Variants in IKBKB observed in about 807,000 individuals in gnomAD.
The protein encoded by IKBKB is inhibitor of nuclear factor kappa B kinase subunit beta, also known as inhibitor of nuclear factor kappa-B kinase subunit beta.
In IKBKB, 42 loss-of-function variants were observed where a neutral mutation model predicts 113.6. The ratio of observed to expected loss-of-function variants is 0.37; its 90% CI spans 0.29 to 0.48. The LOEUF is 0.48. IKBKB is among the 20% of genes least tolerant of loss of function. The pLI is 0.99. For missense variants in IKBKB, 673 were observed against 939.7 expected, an observed-to-expected ratio of 0.72 and a Z score of 3.71; for synonymous variants, 296 against 361.3, an observed-to-expected ratio of 0.82 and a Z score of 2.05.
intron 2 of IKBKB, among the ~76,000 whole-genome samples, chr8:42,288,052 G>A (rs1166952179): frequency 6.6e-6 from 1 of 152,132 alleles, no homozygotes; most frequent in East Asian, 1.9e-4. Context: ...TGGGAATGGA[G>A]CAGGGCCTTG....
chr8:42,330,536 A>G (rs185977470), intron 21 of IKBKB, among the ~76,000 whole-genome samples: 40 of 152,044 alleles, frequency 2.6e-4, no homozygotes, highest in African/African-American at 8.7e-4. Flanking sequence ...TTTGAGATGG[A>G]GTCTTGCTCT....
chr8:42,303,658 C>CCA (rs1212508275), intron 5 of IKBKB, among the ~76,000 whole-genome samples: 1 of 152,136 alleles, frequency 6.6e-6, no homozygotes, highest in African/African-American at 2.4e-5. Flanking sequence ...GGGCATGCCA[C>CCA]CACACCCAGC....
rs771171416 is a variant in IKBKB, at chr8:42,291,379, G to A, written c.318+1106G>A. Among the ~76,000 whole-genome samples, 15 of 152,100 alleles carry A rather than the reference G, an allele frequency of 9.9e-5. 1 individual carries two copies. Among genetic ancestry groups the A allele is most frequent in the Non-Finnish European group, 1.5e-4 (10 of 68,024 alleles). On this transcript the variant is annotated intron_variant, in intron 4 of 21. Transcript: ENST00000520810. ...GTATTTTTAGTAGAGGCAGGGTTTC[G>A]CCACATCAGCCAGGCTGGTCTCCAA...
At position 42,275,874 on chromosome 8, in the gene IKBKB, C is replaced by T. The variant is rs150209006; in HGVS notation, c.105+3669C>T. 3.7e-3 allele frequency among the ~76,000 whole-genome samples: 567 copies of T among 151,988 alleles called. 6 individuals carry two copies. The highest frequency in any genetic ancestry group is 0.013 in the African/African-American group (526 of 41,460). On this transcript the variant is annotated intron_variant, in intron 2 of 21. Coordinates refer to ENST00000520810, the MANE Select transcript of IKBKB (RefSeq NM_001556.3). ...CTTTTTTTTTTGAGACGGAGTCTTG[C>T]TCTGTCAACCAGGCTGGAGTGCAGT...
At chr8:42,286,476 G>T (rs1470366438) in intron 2 of IKBKB, among the ~76,000 whole-genome samples, 1 of 152,134 alleles carries the variant, frequency 6.6e-6, no homozygotes, top group Non-Finnish European at 1.5e-5. Flanking sequence ...TCCTCTGTGT[G>T]TCTTTTTTTG....
intron 12 of IKBKB, among the ~76,000 whole-genome samples, chr8:42,318,120 G>C (rs1042532724): frequency 6.6e-6 from 1 of 152,154 alleles, no homozygotes. Context: ...AAATTAGCCA[G>C]ATGTGGTGGT....
chr8:42,321,701 AT>A (rs1456036254), intron 16 of IKBKB, 194 bp from the exon 17 acceptor site: 3 of 534,416 alleles, frequency 5.6e-6, no homozygotes, highest in Non-Finnish European at 1.0e-5. Context: ...TAAAAAAAAA[AT>A]GTTTTTGGCT....
rs890839161 is a variant in IKBKB, at chr8:42,271,362, C to G, written c.-126C>G. The G allele has an allele frequency of 3.4e-6, 5 of 1,459,606 alleles. No individual in the cohort carries two copies. Among genetic ancestry groups the G allele is most frequent in the Admixed American group, 2.0e-5 (1 of 50,844 alleles). The allele number at this position is 1,459,606 out of a possible 1,614,324, so 90.4% of individuals were successfully genotyped here. On this transcript the variant is annotated 5_prime_UTR_variant, in exon 1 of 22. Coordinates refer to ENST00000520810, the MANE Select transcript of IKBKB (RefSeq NM_001556.3). ...GCCGCGCTGCCCGCGTTAAGATTCCCGCATTTTAATGTTTTCAGGGGGGTG... is the reference window on the plus strand; with the variant it reads ...GCCGCGCTGCCCGCGTTAAGATTCCGGCATTTTAATGTTTTCAGGGGGGTG...
intron 5 of IKBKB, among the ~76,000 whole-genome samples, chr8:42,299,752 C>T (rs966396787): frequency 6.6e-6 from 1 of 152,242 alleles, no homozygotes; most frequent in African/African-American, 2.4e-5. Flanking sequence ...GCTGTTCTTG[C>T]ACCTCCCAGA....
intron 2 of IKBKB, among the ~76,000 whole-genome samples, chr8:42,274,793 C>G (rs867599414): frequency 0.01 from 836 of 79,694 alleles, 188 homozygotes; most frequent in African/African-American, 0.017. Flanking sequence ...CGCGCCCCCC[C>G]CCCCCCCCGC....
chr8:42,319,184 G>T, intron 13 of IKBKB, 86 bp from the exon 14 acceptor site: 1 of 1,240,558 alleles, frequency 8.1e-7, no homozygotes, highest in South Asian at 1.3e-5. Context: ...GACCTCCCTT[G>T]ACATTTGAGG....
rs1306962481 is a variant in IKBKB at position 42,318,654 on chromosome 8, A to C, written c.1343A>C (p.Gln448Pro). 6.2e-7 allele frequency: 1 copy of C among 1,613,430 alleles called. No individual in the cohort carries two copies. Among genetic ancestry groups the C allele is most frequent in the Non-Finnish European group, 8.5e-7 (1 of 1,179,438 alleles). Residue 448 changes from glutamine to proline, a missense_variant, in exon 13 of 22, where the codon CAG becomes CCG. Gln to Pro is a moderately conservative substitution (Grantham distance 76, BLOSUM62 -1). This residue lies in a region of IKBKB where 506 missense variants were observed against 638.7 expected (regional missense o/e 0.79). Coordinates refer to ENST00000520810, the MANE Select transcript of IKBKB (RefSeq NM_001556.3). Reference protein sequence around the residue: ...QTLKEDCNRLQQGQRAAMMNL... With the variant: ...QTLKEDCNRLPQGQRAAMMNL... The stretch of plus-strand genomic sequence containing the variant: ...CTGAAGGAAGATTGCAACCGGCTGC[A>C]GCAGGGACAGCGAGCCGCCATGTAG...
intron 3 of IKBKB, among the ~76,000 whole-genome samples, 183 bp downstream of exon 3, chr8:42,288,911 G>T (rs868548755): frequency 6.6e-6 from 1 of 152,086 alleles, no homozygotes; most frequent in South Asian, 2.1e-4. Flanking sequence ...GTGAAACCCC[G>T]TCTCTACTAA....
At position 42,271,326 on chromosome 8, in the gene IKBKB, G is replaced by C; in HGVS notation, c.-162G>C. On this transcript the variant is annotated 5_prime_UTR_variant, in exon 1 of 22. Transcript: ENST00000520810. ...CGTGACGTCAGAGCAGGAAGTGTTT[G>C]AGGAAGTCGCGCCGCGCTGCCCGCG... The C allele has an allele frequency of 9.4e-7, 1 of 1,061,506 alleles. No homozygotes were observed. Among genetic ancestry groups the C allele is most frequent in the East Asian group, 2.6e-5 (1 of 38,680 alleles). The allele number at this position is 1,061,506 out of a possible 1,614,324, so 65.8% of individuals were successfully genotyped here. A position where few individuals can be genotyped will look rare whatever the true frequency, so the allele number is the denominator to read the frequency against.
intron 2 of IKBKB, among the ~76,000 whole-genome samples, chr8:42,280,394 AT>A (rs2130144918): frequency 6.6e-6 from 1 of 152,202 alleles, no homozygotes; most frequent in East Asian, 1.9e-4. Flanking sequence ...ATAGGCTGAT[AT>A]TTTCAATGAG....
In IKBKB at chr8:42,330,407, A is replaced by T. The variant is rs565502356; in HGVS notation, c.2206-507A>T. 4.2e-6 allele frequency: 3 copies of T among 707,790 alleles called. No homozygotes were observed. The African/African-American group carries it at 5.8e-5, about 14-fold the overall frequency. The allele number at this position is 707,790 out of a possible 1,614,324, so 43.8% of individuals were successfully genotyped here. ...TGCTATGTTGCCCAGGCTGGTCTTG[A>T]ACTCCTGGCCTCAAGCGATCCGCTC... On this transcript the variant is annotated intron_variant, in intron 21 of 21. Transcript: ENST00000520810.
chr8:42,279,161 G>T (rs1809815803), intron 2 of IKBKB, among the ~76,000 whole-genome samples: 1 of 152,230 alleles, frequency 6.6e-6, no homozygotes, highest in African/African-American at 2.4e-5. Flanking sequence ...CTTCCCCGTG[G>T]GTTCTCCCCA....
chr8:42,325,290 G>C (rs1216307170), intron 19 of IKBKB: 1 of 985,492 alleles, frequency 1.0e-6, no homozygotes, highest in African/African-American at 1.7e-5. Context: ...TTCTCAGCCA[G>C]GTCATAGAGG....
intron 7 of IKBKB, among the ~76,000 whole-genome samples, chr8:42,306,637 A>G (rs1016416309): frequency 1.3e-5 from 2 of 152,182 alleles, no homozygotes; most frequent in African/African-American, 4.8e-5. Flanking sequence ...GTCTTCTCTG[A>G]TGTCCGGAGG....
Sources: gnomAD v4.1 joint callset for allele counts (sites outside exome capture counted in the v4.1 genomes callset) on GRCh38, gnomAD v4.1.1 for gene constraint, gnomAD v4.1.1 regional missense constraint, MANE v1.5 for transcripts, NCBI Gene and HGNC (gene_info 2026-07-23, HGNC 2026-07-21) for gene names.